The following KY variants were observed in gnomAD, a reference collection of about 807,000 sequenced individuals.
KY encodes the protein kyphoscoliosis peptidase.
Under a neutral mutation model 76.1 loss-of-function variants are expected in KY, and 43 were observed. That is an observed-to-expected ratio of 0.57 (90% CI 0.44 to 0.73). KY has a LOEUF of 0.73. Ranked by LOEUF, KY falls within the 30% of genes least tolerant of loss-of-function variation. The pLI, the probability that KY is intolerant of heterozygous loss-of-function variation, is 0.00. For missense variants in KY, 722 were observed against 828.9 expected (o/e 0.87, Z 1.58); for synonymous variants, 277 against 326.2 (o/e 0.85, Z 1.63).
intron 8 of KY, among the ~76,000 whole-genome samples, chr3:134,617,253 A>T (rs13084192): frequency 0.35 from 52,772 of 152,092 alleles, 9,530 homozygotes; most frequent in African/African-American, 0.37. Context: ...AGAGGAAAAT[A>T]ATCATGTTCT....
At chr3:134,620,905 G>A (rs1962497232) in intron 6 of KY, 48 bp from the exon 7 acceptor site, 1 of 1,166,302 alleles carries the variant, frequency 8.6e-7, no homozygotes, top group Non-Finnish European at 1.3e-6. Context: ...AGGAGGGGCT[G>A]TTGGGGGCCC....
rs1966572617 is a variant in KY at position 134,647,474 on chromosome 3, C to T, written c.160G>A (p.Val54Ile). 2 of 1,612,258 alleles carry T rather than the reference C, an allele frequency of 1.2e-6. No homozygotes were observed. The highest frequency in any genetic ancestry group is 2.2e-5 in the East Asian group (1 of 44,878). ...CCTTCTAATTTCTGCCATCTTCGGA[C>T]TCCATTTCCAACACCTTGGAATCCT... ...GGGFQGVGNGVRRWQKLEGND... is the reference protein window; with the variant it reads ...GGGFQGVGNGIRRWQKLEGND... The change falls in exon 2 of 11, where the codon GTC (valine) becomes ATC (isoleucine). Residue 54 changes from valine (V) to isoleucine (I), a missense_variant. Physicochemically the swap from Val to Ile is conservative, Grantham distance 29. Coordinates refer to ENST00000423778, the MANE Select transcript of KY (RefSeq NM_178554.6).
At chr3:134,613,284 C>G (rs1214578362) in intron 8 of KY, 2 of 153,504 alleles carry the variant, frequency 1.3e-5, no homozygotes, top group East Asian at 3.9e-4. Context: ...GAATGTCCTC[C>G]TGGGAGAAGC....
intron 10 of KY, chr3:134,608,004 C>T: frequency 9.6e-7 from 1 of 1,038,106 alleles, no homozygotes; most frequent in Non-Finnish European, 1.2e-6. Flanking sequence ...GCCTGTTCTC[C>T]TCTCCCAAGA....
rs564805463 is a variant in KY at position 134,611,249 on chromosome 3, G to T, written c.711-866C>A. Among the ~76,000 whole-genome samples, 7 of 152,316 alleles carry T rather than the reference G, an allele frequency of 4.6e-5. No individual in the cohort carries two copies. In the South Asian group the frequency reaches 1.0e-3, roughly 23 times the overall value. Reference sequence around the variant, plus strand: ...TAGTAGAGCTGGCACTGCTTTCTGGGAACCTGGATGGGAAGATGGGCATGG... The same window carrying T: ...TAGTAGAGCTGGCACTGCTTTCTGGTAACCTGGATGGGAAGATGGGCATGG... On this transcript the variant is annotated intron_variant, in intron 8 of 10. Transcript: ENST00000423778.
rs760946864 is a variant in KY, at chr3:134,625,037, C to T, written c.483+16G>A. 11 of 1,578,970 alleles carry T rather than the reference C, an allele frequency of 7.0e-6. No individual in the cohort carries two copies. The highest frequency in any genetic ancestry group is 4.0e-5 in the African/African-American group (3 of 74,334). ...ACCTTGAAGGGGCCCATGGTCAGAGCGGCCAGCTGTCCTACCTGTGAGGCG... is the reference window on the plus strand; with the variant it reads ...ACCTTGAAGGGGCCCATGGTCAGAGTGGCCAGCTGTCCTACCTGTGAGGCG... On this transcript the variant is annotated intron_variant, in intron 6 of 10. Transcript: ENST00000423778.
chr3:134,638,590 C>G (rs938889760), intron 3 of KY, among the ~76,000 whole-genome samples: 17 of 152,196 alleles, frequency 1.1e-4, no homozygotes, highest in African/African-American at 4.1e-4. Context: ...TTATTTTCTG[C>G]TAATCTTGAG....
Position 134,603,491 on chromosome 3 carries a change from G to T in KY, c.*88C>A, listed in dbSNP as rs1959057538. 8 of 1,166,576 alleles carry T rather than the reference G, an allele frequency of 6.9e-6. No individual in the cohort carries two copies. In the Admixed American group the frequency reaches 1.4e-4, roughly 21 times the overall value. The allele number at this position is 1,166,576 out of a possible 1,614,324, so 72.3% of individuals were successfully genotyped here. A position where few individuals can be genotyped will look rare whatever the true frequency, so the allele number is the denominator to read the frequency against. On this transcript the variant is annotated 3_prime_UTR_variant, in exon 11 of 11. Coordinates refer to ENST00000423778, the MANE Select transcript of KY (RefSeq NM_178554.6). Reference sequence around the variant, plus strand: ...GAAGGGATTTCATGCAGACTCAGTGGTGTCCAGGGCTCCCTGCACTTCCTT... The same window carrying T: ...GAAGGGATTTCATGCAGACTCAGTGTTGTCCAGGGCTCCCTGCACTTCCTT...
chr3:134,606,149 G>T (rs1443250348), intron 10 of KY, among the ~76,000 whole-genome samples: 1 of 152,074 alleles, frequency 6.6e-6, no homozygotes. Flanking sequence ...ACGGCCCCTG[G>T]TCCTGTTCCA....
At chr3:134,617,738 G>A (rs930019695) in intron 8 of KY, among the ~76,000 whole-genome samples, 27 of 152,228 alleles carry the variant, frequency 1.8e-4, no homozygotes, top group Non-Finnish European at 1.5e-5. Flanking sequence ...AAAGGAAGGG[G>A]AAGGTTGTGG....
intron 5 of KY, among the ~76,000 whole-genome samples, chr3:134,627,266 T>A (rs950179951): frequency 2.0e-5 from 3 of 152,060 alleles, no homozygotes; most frequent in Non-Finnish European, 4.4e-5. Flanking sequence ...TAGGAAGAAG[T>A]ATGGAGCTGC....
intron 3 of KY, among the ~76,000 whole-genome samples, chr3:134,639,090 C>A (rs1965384293): frequency 1.8e-5 from 2 of 113,454 alleles, no homozygotes; most frequent in South Asian, 2.8e-4. Flanking sequence ...TTTTTTCCTG[C>A]AGTAGCTTAG....
intron 1 of KY, among the ~76,000 whole-genome samples, chr3:134,649,813 G>C (rs958104615): frequency 1.3e-5 from 2 of 152,236 alleles, no homozygotes; most frequent in Non-Finnish European, 2.9e-5. Context: ...GTGGAAGGTG[G>C]ATGTTCAATG....
At chr3:134,630,567 T>C (rs1964078784) in intron 3 of KY, among the ~76,000 whole-genome samples, 1 of 152,196 alleles carries the variant, frequency 6.6e-6, no homozygotes. Context: ...AAGTTGTAGA[T>C]GGACTCCTGT....
rs145926818 is a variant in KY at position 134,634,748 on chromosome 3, G to A, written c.263-5053C>T. On this transcript the variant is annotated intron_variant, in intron 3 of 10. Coordinates refer to ENST00000423778, the MANE Select transcript of KY (RefSeq NM_178554.6). ...GTACTGTTCATGGAATGCAAAACTC[G>A]CATAGAGAGGGCCAACTTTTCCTAC... 7.3e-4 allele frequency among the ~76,000 whole-genome samples: 111 copies of A among 152,242 alleles called. 2 individuals carry two copies. The highest frequency in any genetic ancestry group is 3.3e-4 in the Admixed American group (5 of 15,298).
intron 2 of KY, among the ~76,000 whole-genome samples, chr3:134,646,163 C>G (rs1005071229): frequency 6.6e-6 from 1 of 152,194 alleles, no homozygotes; most frequent in African/African-American, 2.4e-5. Flanking sequence ...GGGTCTGATT[C>G]TTATTAAAAT....
Position 134,603,593 on chromosome 3 carries a change from C to A in KY, c.1972G>T (p.Val658Leu). The change falls in exon 11 of 11, where the codon GTG becomes TTG. Residue 658 changes from valine to leucine, a missense_variant. This residue lies in a region of KY where 552 missense variants were observed against 680.9 expected (regional missense o/e 0.81). Coordinates refer to ENST00000423778, the MANE Select transcript of KY (RefSeq NM_178554.6). ...GGGCACAGCCCTCACTGGGCATTCA[C>A]TTTGTATTTCAGGATGTAGGAGTAG... ...NFYSYILKYK[V>L]NAQ 6.3e-7 allele frequency: 1 copy of A among 1,582,984 alleles called. No homozygotes were observed. Among genetic ancestry groups the A allele is most frequent in the Non-Finnish European group, 8.6e-7 (1 of 1,160,228 alleles).
At chr3:134,644,209 T>G (rs1966154066) in intron 2 of KY, among the ~76,000 whole-genome samples, 1 of 152,194 alleles carries the variant, frequency 6.6e-6, no homozygotes, top group Non-Finnish European at 1.5e-5. Context: ...TGTAGTTTGG[T>G]TCTGTTTCAC....
chr3:134,608,285 TGAGA>T (rs1451735907), intron 10 of KY: 1 of 1,213,242 alleles, frequency 8.2e-7, no homozygotes, highest in Non-Finnish European at 1.0e-6. Context: ...CTATGTGAAC[TGAGA>T]GAGACTCACC....
Sources: gnomAD v4.1 joint callset for allele counts (sites outside exome capture counted in the v4.1 genomes callset) on GRCh38, gnomAD v4.1.1 for gene constraint, gnomAD v4.1.1 regional missense constraint, MANE v1.5 for transcripts, NCBI Gene and HGNC (gene_info 2026-07-23, HGNC 2026-07-21) for gene names.